Variants in GRIN2A observed in about 807,000 individuals in gnomAD.
GRIN2A encodes glutamate receptor ionotropic, NMDA 2A.
In GRIN2A, 22 loss-of-function variants were observed where a neutral mutation model predicts 113.4. The observed-to-expected ratio is 0.19, with a 90% confidence interval of 0.14 to 0.28. The LOEUF (loss-of-function observed/expected upper bound fraction) is 0.28. Among genes scored for constraint, GRIN2A ranks in the 10% least tolerant of loss-of-function variants. The pLI, the probability that GRIN2A is intolerant of heterozygous loss-of-function variation, is 1.00. For synonymous variants in GRIN2A, 827 were observed against 738.4 expected (o/e 1.12, Z -1.94); for missense variants, 1,502 against 1,887.0 (o/e 0.80, Z 3.78).
intron 4 of GRIN2A, among the ~76,000 whole-genome samples, chr16:9,860,165 C>T (rs2043040671): frequency 1.3e-5 from 2 of 151,964 alleles, no homozygotes; most frequent in African/African-American, 4.8e-5. Context: ...GAAGTGGCTT[C>T]CAAATATGAA....
chr16:10,135,560 T>C (rs550891209), intron 2 of GRIN2A, among the ~76,000 whole-genome samples: 2 of 152,320 alleles, frequency 1.3e-5, no homozygotes, highest in South Asian at 4.1e-4. Context: ...AGCCCTATTC[T>C]TGGCACCAAA....
At chr16:9,769,834 ATG>A (rs1491244538) in intron 11 of GRIN2A, among the ~76,000 whole-genome samples, 4 of 152,190 alleles carry the variant, frequency 2.6e-5, no homozygotes, top group Non-Finnish European at 4.4e-5. Flanking sequence ...ATCCTCAAAT[ATG>A]TGTGTTTCTT....
chr16:10,093,286 A>AT (rs1567293179), intron 2 of GRIN2A, among the ~76,000 whole-genome samples: 1 of 152,176 alleles, frequency 6.6e-6, no homozygotes, highest in Non-Finnish European at 1.5e-5. Flanking sequence ...AAATTGTGTC[A>AT]TTTTATCTTG....
chr16:9,965,900 A>T (rs1250177393), intron 2 of GRIN2A, among the ~76,000 whole-genome samples: 1 of 152,180 alleles, frequency 6.6e-6, no homozygotes, highest in Non-Finnish European at 1.5e-5. Context: ...TTGGTTTGCC[A>T]AGCCTAAAAT....
At chr16:10,067,133 C>G (rs2047665377) in intron 2 of GRIN2A, among the ~76,000 whole-genome samples, 1 of 152,214 alleles carries the variant, frequency 6.6e-6, no homozygotes, top group African/African-American at 2.4e-5. Context: ...TCTTTCTCCT[C>G]TTTTCTGTTC....
chr16:9,865,223 A>G (rs1383637694), intron 4 of GRIN2A, among the ~76,000 whole-genome samples: 1 of 152,168 alleles, frequency 6.6e-6, no homozygotes, highest in Non-Finnish European at 1.5e-5. Flanking sequence ...GCACTGGGGG[A>G]AGAGGAGGGT....
intron 2 of GRIN2A, among the ~76,000 whole-genome samples, chr16:10,062,875 AAAG>A (rs1267151973): frequency 7.9e-4 from 120 of 152,226 alleles, no homozygotes; most frequent in Middle Eastern, 3.4e-3. Context: ...AAAAAAAAAA[AAAG>A]AAGAAGAAAA....
At chr16:10,096,421 C>G (rs1418884633) in intron 2 of GRIN2A, among the ~76,000 whole-genome samples, 2 of 152,148 alleles carry the variant, frequency 1.3e-5, no homozygotes, top group East Asian at 1.9e-4. Flanking sequence ...GCAACCTGTG[C>G]TTTAATCAGG....
At chr16:9,889,493 C>T (rs2043650598) in intron 4 of GRIN2A, among the ~76,000 whole-genome samples, 1 of 151,180 alleles carries the variant, frequency 6.6e-6, no homozygotes, top group Non-Finnish European at 1.5e-5. Context: ...TGATTTTTTT[C>T]TTCTACTTCA....
At position 9,956,627 on chromosome 16, in the gene GRIN2A, A is replaced by G. The variant is rs113852886; in HGVS notation, c.415-18076T>C. Among the ~76,000 whole-genome samples, 1,335 of 152,384 alleles carry G rather than the reference A, an allele frequency of 8.8e-3. 30 individuals carry two copies. The highest frequency in any genetic ancestry group is 0.031 in the African/African-American group (1,279 of 41,592). ...AAACAGCCATGAAACCTGCGCTCAA[A>G]GAGCTTATGATCCAGATGGAAAAGA... On this transcript the variant is annotated intron_variant, in intron 2 of 12. Transcript: ENST00000330684.
At chr16:10,019,060 C>CAA (rs36165422) in intron 2 of GRIN2A, among the ~76,000 whole-genome samples, 23 of 123,748 alleles carry the variant, frequency 1.9e-4, no homozygotes, top group African/African-American at 3.5e-4. Context: ...TGTTGATCTC[C>CAA]AAAAAAAAAA....
chr16:9,860,998 T>A (rs574709415), intron 4 of GRIN2A, among the ~76,000 whole-genome samples: 14 of 152,208 alleles, frequency 9.2e-5, no homozygotes, highest in Non-Finnish European at 2.1e-4. Flanking sequence ...TGTTTACTCA[T>A]CTTCTCTCCT....
At chr16:10,112,097 C>T (rs2048627322) in intron 2 of GRIN2A, 1 of 600,830 alleles carries the variant, frequency 1.7e-6, no homozygotes, top group East Asian at 3.3e-5. Context: ...CCAAGGATTC[C>T]CACAAGCAGC....
At chr16:9,937,032 G>GTA (rs1443193020) in intron 3 of GRIN2A, among the ~76,000 whole-genome samples, 1 of 152,114 alleles carries the variant, frequency 6.6e-6, no homozygotes, top group African/African-American at 2.4e-5. Flanking sequence ...GCTTAGACAT[G>GTA]TATAAAGATT....
At position 10,170,795 on chromosome 16, in the gene GRIN2A, T is replaced by C. The variant is rs147328207; in HGVS notation, c.414+9203A>G. Among the ~76,000 whole-genome samples, 225 of 151,136 alleles carry C rather than the reference T, an allele frequency of 1.5e-3. 2 individuals carry two copies. Among genetic ancestry groups the C allele is most frequent in the Non-Finnish European group, 2.8e-3 (190 of 67,924 alleles). On this transcript the variant is annotated intron_variant, in intron 2 of 12. Coordinates refer to ENST00000330684, the MANE Select transcript of GRIN2A (RefSeq NM_001134407.3). ...GGGAGGCTGAGATGAGAGGATCACC[T>C]AAGCCCAGGAGGTTGAGGCTGCAGT...
At chr16:10,139,180 G>C (rs2049269213) in intron 2 of GRIN2A, among the ~76,000 whole-genome samples, 1 of 152,170 alleles carries the variant, frequency 6.6e-6, no homozygotes, top group Non-Finnish European at 1.5e-5. Flanking sequence ...CTGAGACCTA[G>C]GGGTGGAAGC....
At chr16:9,840,281 G>A (rs1567336828) in intron 7 of GRIN2A, among the ~76,000 whole-genome samples, 1 of 151,984 alleles carries the variant, frequency 6.6e-6, no homozygotes, top group Non-Finnish European at 1.5e-5. Context: ...AAGCGAAGGG[G>A]GAAGAGCCCC....
intron 2 of GRIN2A, among the ~76,000 whole-genome samples, chr16:10,089,550 C>G (rs984483133): frequency 3.9e-5 from 6 of 152,012 alleles, no homozygotes; most frequent in Admixed American, 1.3e-4. Context: ...AGGTTGAGGT[C>G]TGGAGAATGT....
At chr16:9,923,061 T>G (rs1432769308) in intron 3 of GRIN2A, among the ~76,000 whole-genome samples, 1 of 152,216 alleles carries the variant, frequency 6.6e-6, no homozygotes, top group African/African-American at 2.4e-5. Flanking sequence ...CTAGCAATTA[T>G]TAAGAGTATT....
Sources: gnomAD v4.1 joint callset for allele counts (sites outside exome capture counted in the v4.1 genomes callset) on GRCh38, gnomAD v4.1.1 for gene constraint, MANE v1.5 for transcripts, NCBI Gene and HGNC (gene_info 2026-07-23, HGNC 2026-07-21) for gene names.